Variants in RSRP1 observed in about 807,000 individuals in gnomAD.
RSRP1 encodes the protein arginine and serine rich protein 1, also known as arginine/serine-rich protein 1.
RSRP1 carries 37 observed loss-of-function variants against 33.0 expected under a neutral mutation model. The observed-to-expected ratio is 1.12, with a 90% CI of 0.86 to 1.48. RSRP1 has a LOEUF of 1.48. Among genes scored for constraint, RSRP1 ranks in the 40% most tolerant of loss-of-function variants. The pLI is 0.00. For synonymous variants in RSRP1, 167 were observed against 158.7 expected (o/e 1.05, Z -0.40); for missense variants, 402 against 385.3 (o/e 1.04, Z -0.36).
Position 25,306,968 on chromosome 1 carries a change from C to T in RSRP1, c.-67+31010G>A. The T allele has an allele frequency of 8.6e-6, 4 of 465,774 alleles. 1 individual carries two copies. The highest frequency in any genetic ancestry group is 1.7e-5 in the Non-Finnish European group (4 of 230,212). The allele number at this position is 465,774 out of a possible 1,614,324, so 28.9% of individuals were successfully genotyped here. On this transcript the variant is annotated intron_variant, in intron 1 of 1. Coordinates refer to the RSRP1 transcript ENST00000561867. ...GGGCCACCTAGGTATAGACCAAAGACACGAAATCTTTTGTGATCCCACAAA... is the reference window on the plus strand; with the variant it reads ...GGGCCACCTAGGTATAGACCAAAGATACGAAATCTTTTGTGATCCCACAAA...
chr1:25,274,093 CAT>C (rs1571562861), intron 1 of RSRP1, among the ~76,000 whole-genome samples: 1 of 132,692 alleles, frequency 7.5e-6, no homozygotes, highest in East Asian at 1.9e-4. Flanking sequence ...GATCCAGACT[CAT>C]GATGATTAGA....
At chr1:25,301,901 G>A (rs1381341277) in intron 1 of RSRP1, among the ~76,000 whole-genome samples, 1 of 131,116 alleles carries the variant, frequency 7.6e-6, no homozygotes, top group South Asian at 2.3e-4. Flanking sequence ...AGGCTTTCTG[G>A]GGGTAGTGAT....
intron 1 of RSRP1, chr1:25,306,679 C>T: frequency 7.3e-7 from 1 of 1,378,564 alleles, no homozygotes; most frequent in Non-Finnish European, 1.0e-6. Flanking sequence ...TTGGAGAGAT[C>T]ATCTACATTG....
chr1:25,249,377 G>T (rs1230555689), upstream of RSRP1, among the ~76,000 whole-genome samples: 1 of 151,980 alleles, frequency 6.6e-6, no homozygotes, highest in Admixed American at 6.6e-5. Flanking sequence ...TCGCTTTGGC[G>T]CCCAGGCTGG....
intron 1 of RSRP1, among the ~76,000 whole-genome samples, chr1:25,254,914 A>G (rs1639902206): frequency 1.3e-5 from 2 of 152,200 alleles, no homozygotes; most frequent in African/African-American, 4.8e-5. Context: ...TGTGTAACTG[A>G]GAATGAGACA....
At chr1:25,262,467 G>C (rs1286098344) in intron 1 of RSRP1, among the ~76,000 whole-genome samples, 2 of 152,118 alleles carry the variant, frequency 1.3e-5, no homozygotes, top group African/African-American at 4.8e-5. Context: ...ACGTAGTCAG[G>C]GTTCGCCAAA....
chr1:25,276,526 C>CA (rs1275555633), intron 1 of RSRP1, among the ~76,000 whole-genome samples: 1 of 35,916 alleles, frequency 2.8e-5, no homozygotes, highest in African/African-American at 1.0e-4. Flanking sequence ...GACCCCCCCC[C>CA]ATCTCTAAAA....
chr1:25,285,380 C>T (rs377327836), intron 1 of RSRP1, among the ~76,000 whole-genome samples: 2 of 134,536 alleles, frequency 1.5e-5, no homozygotes, highest in South Asian at 4.4e-4. Flanking sequence ...GTGATCCGCC[C>T]GCCTCGGCCT....
intron 1 of RSRP1, among the ~76,000 whole-genome samples, chr1:25,256,619 C>T (rs2124557765): frequency 6.6e-6 from 1 of 152,206 alleles, no homozygotes; most frequent in African/African-American, 2.4e-5. Flanking sequence ...CACCACCATA[C>T]CCAGCTAATT....
chr1:25,245,523 CCA>C (rs1427558458), intron 2 of RSRP1, among the ~76,000 whole-genome samples: 2 of 152,120 alleles, frequency 1.3e-5, no homozygotes, highest in African/African-American at 4.8e-5. Flanking sequence ...ATAGAAAGTA[CCA>C]CAGTGTTTGA....
rs532301352 is a variant in RSRP1, at chr1:25,300,758, G to A, written c.-67+37220C>T. On this transcript the variant is annotated intron_variant, in intron 1 of 1. Coordinates refer to the RSRP1 transcript ENST00000561867. ...TGGGAGGCAAATGTTCCAGTGAGCCGAGATCGTGCCATTGCACTCCAGCCT... is the reference window on the plus strand; with the variant it reads ...TGGGAGGCAAATGTTCCAGTGAGCCAAGATCGTGCCATTGCACTCCAGCCT... Among the ~76,000 whole-genome samples, 79 of 132,050 alleles carry A rather than the reference G, an allele frequency of 6.0e-4. 9 individuals carry two copies. The highest frequency in any genetic ancestry group is 1.9e-3 in the African/African-American group (72 of 38,492). 86.6% of individuals were successfully genotyped at this position (132,050 alleles called of 152,430 possible).
chr1:25,277,277 T>C (rs1191815761), intron 1 of RSRP1, among the ~76,000 whole-genome samples: 1 of 129,458 alleles, frequency 7.7e-6, no homozygotes, highest in South Asian at 2.4e-4. Context: ...TTTGCAGAAT[T>C]GAAAACTTCA....
At chr1:25,250,221 C>T (rs778937527), upstream of RSRP1, among the ~76,000 whole-genome samples, 10 of 152,078 alleles carry the variant, frequency 6.6e-5, no homozygotes, top group African/African-American at 1.2e-4. Flanking sequence ...GAGATAAATG[C>T]GGGGGCTTTA....
Position 25,280,775 on chromosome 1 carries a change from G to A in RSRP1, c.-66-33746C>T, listed in dbSNP as rs1220528753. ...TACAGGCACTCGCCACCACGCCCAA[G>A]TAATTTTGTATTTTTTGTAGAGACA... is the stretch of plus-strand genomic sequence containing the variant. On this transcript the variant is annotated intron_variant, in intron 1 of 1. Transcript: ENST00000561867. Among the ~76,000 whole-genome samples, 3 of 130,644 alleles carry A rather than the reference G, an allele frequency of 2.3e-5. 1 individual carries two copies. The highest frequency in any genetic ancestry group is 5.4e-5 in the Non-Finnish European group (3 of 55,272). The allele number at this position is 130,644 out of a possible 152,430, so 85.7% of individuals were successfully genotyped here. A position where few individuals can be genotyped will look rare whatever the true frequency, so the allele number is the denominator to read the frequency against.
chr1:25,276,556 C>A lies in RSRP1; in HGVS notation c.-66-29527G>T, dbSNP rs1443441811. ...CTAAAAAAAAAAAAAAAAAAAAAAA[C>A]TTTAAAATTTAACCCAGTGTGGTGG... On this transcript the variant is annotated intron_variant, in intron 1 of 1. Coordinates refer to the RSRP1 transcript ENST00000561867. Among the ~76,000 whole-genome samples, 151 of 68,098 alleles carry A rather than the reference C, an allele frequency of 2.2e-3. 1 individual carries two copies. The highest frequency in any genetic ancestry group is 0.012 in the African/African-American group (140 of 11,372). 44.7% of individuals were successfully genotyped at this position (68,098 alleles called of 152,430 possible).
intron 1 of RSRP1, among the ~76,000 whole-genome samples, chr1:25,322,454 C>A (rs1290197490): frequency 7.5e-6 from 1 of 132,880 alleles, no homozygotes; most frequent in Non-Finnish European, 1.8e-5. Context: ...GGGGCGATCA[C>A]CTGAGGCCAG....
intron 3 of RSRP1, 50 bp downstream of exon 3, chr1:25,245,100 T>G: frequency 6.2e-7 from 1 of 1,614,026 alleles, no homozygotes; most frequent in Non-Finnish European, 8.5e-7. Context: ...TAATCAGATT[T>G]GACAGTTGGC....
intron 1 of RSRP1, among the ~76,000 whole-genome samples, chr1:25,316,618 GAAAA>G (rs1171433774): frequency 9.8e-5 from 4 of 40,630 alleles, no homozygotes; most frequent in South Asian, 1.1e-3. Context: ...AACAAAAACA[GAAAA>G]AAAAAAAAAA....
intron 1 of RSRP1, among the ~76,000 whole-genome samples, chr1:25,257,562 G>A (rs1639985582): frequency 6.6e-6 from 1 of 150,912 alleles, no homozygotes; most frequent in African/African-American, 2.4e-5. Flanking sequence ...AGGGTTTATT[G>A]TGGGGAATTT....
Sources: allele counts gnomAD v4.1 joint callset (sites outside exome capture counted in the v4.1 genomes callset), GRCh38; gene constraint gnomAD v4.1.1; transcripts MANE v1.5; gene names NCBI Gene and HGNC (gene_info 2026-07-23, HGNC 2026-07-21).